The following ERP44 variants were observed in gnomAD, a reference collection of about 807,000 sequenced individuals.
ERP44 encodes the protein endoplasmic reticulum resident protein 44.
Under a neutral mutation model 53.4 loss-of-function variants are expected in ERP44, and 25 were observed. That is an observed-to-expected ratio of 0.47 (90% confidence interval 0.34 to 0.65). The LOEUF (loss-of-function observed/expected upper bound fraction) is 0.65. ERP44 is among the 30% of genes least tolerant of loss of function. ERP44 has a pLI of 0.01. For missense variants in ERP44, 338 were observed against 493.2 expected, an observed-to-expected ratio of 0.69 and a Z score of 2.98; for synonymous variants, 145 against 161.2, an observed-to-expected ratio of 0.90 and a Z score of 0.76.
At chr9:99,999,425 CT>C (rs1348694679) in intron 10 of ERP44, among the ~76,000 whole-genome samples, 1 of 152,136 alleles carries the variant, frequency 6.6e-6, no homozygotes, top group Admixed American at 6.5e-5. Context: ...ATTCTAATAT[CT>C]TTGATGATTA....
intron 1 of ERP44, among the ~76,000 whole-genome samples, chr9:100,081,445 G>A (rs927398258): frequency 2.6e-5 from 4 of 151,910 alleles, no homozygotes; most frequent in African/African-American, 7.3e-5. Flanking sequence ...CAGAAATTAT[G>A]GGAGATACAA....
intron 3 of ERP44, among the ~76,000 whole-genome samples, chr9:100,057,567 G>A (rs1288635599): frequency 1.3e-5 from 2 of 152,126 alleles, no homozygotes; most frequent in Admixed American, 1.3e-4. Context: ...TTGAGTCGGG[G>A]GTGGAGAGAG....
intron 3 of ERP44, among the ~76,000 whole-genome samples, chr9:100,055,401 C>G (rs1826078846): frequency 6.6e-6 from 1 of 152,156 alleles, no homozygotes; most frequent in African/African-American, 2.4e-5. Context: ...GAGACGGAGT[C>G]TCGCTCTGTC....
chr9:100,041,717 T>A (rs72731378), intron 4 of ERP44, among the ~76,000 whole-genome samples: 40,316 of 151,846 alleles, frequency 0.27, 5,630 homozygotes, highest in South Asian at 0.37. Context: ...CAGACAGATA[T>A]ATCAGTGCAA....
chr9:100,058,636 C>T lies in ERP44; in HGVS notation c.131-777G>A, dbSNP rs138922314. On this transcript the variant is annotated intron_variant, in intron 2 of 11. Transcript: ENST00000262455. ...CTACAACTAATAGTGTTGCACAAGACGCCAGTTTTTTAATTCCTATCCATT... is the reference window on the plus strand; with the variant it reads ...CTACAACTAATAGTGTTGCACAAGATGCCAGTTTTTTAATTCCTATCCATT... 2.6e-4 allele frequency among the ~76,000 whole-genome samples: 40 copies of T among 152,246 alleles called. No individual in the cohort carries two copies. The East Asian group carries it at 6.8e-3, about 26-fold the overall frequency.
intron 4 of ERP44, among the ~76,000 whole-genome samples, chr9:100,024,554 C>T (rs1830631784): frequency 6.6e-6 from 1 of 150,680 alleles, no homozygotes; most frequent in Admixed American, 6.6e-5. Flanking sequence ...GATGAATTCC[C>T]TGACTATACT....
intron 10 of ERP44, among the ~76,000 whole-genome samples, chr9:99,999,870 G>C (rs1023534038): frequency 6.6e-6 from 1 of 152,028 alleles, no homozygotes; most frequent in African/African-American, 2.4e-5. Flanking sequence ...CGAGATGAGG[G>C]TCTAATTTCA....
chr9:100,080,324 C>T (rs1288951912), intron 1 of ERP44, among the ~76,000 whole-genome samples: 2 of 152,016 alleles, frequency 1.3e-5, no homozygotes, highest in African/African-American at 4.8e-5. Context: ...TGAACATCTG[C>T]TCACCTTTAG....
intron 1 of ERP44, among the ~76,000 whole-genome samples, chr9:100,070,877 G>C (rs1032780472): frequency 1.3e-5 from 2 of 152,088 alleles, no homozygotes; most frequent in Non-Finnish European, 2.9e-5. Flanking sequence ...TCTGAGACAA[G>C]GAGTTAAGCA....
At chr9:99,985,630 C>T (rs1014913353) in intron 10 of ERP44, among the ~76,000 whole-genome samples, 6 of 152,146 alleles carry the variant, frequency 3.9e-5, no homozygotes, top group African/African-American at 1.4e-4. Flanking sequence ...TTTTGAGGTT[C>T]GGGTCCTTAA....
chr9:100,021,985 A>C (rs1184921622), intron 5 of ERP44, 57 bp downstream of exon 5: 30 of 1,489,590 alleles, frequency 2.0e-5, no homozygotes, highest in Non-Finnish European at 1.8e-5. Context: ...TTTGCATTAG[A>C]ATTTGTTTAC....
chr9:100,028,829 A>C (rs1017064900), intron 4 of ERP44, among the ~76,000 whole-genome samples: 2 of 152,230 alleles, frequency 1.3e-5, no homozygotes, highest in Non-Finnish European at 2.9e-5. Context: ...AAACAAAAAC[A>C]AAAAACTCGA....
chr9:100,092,901 C>T (rs1197672043), intron 1 of ERP44, among the ~76,000 whole-genome samples: 1 of 152,190 alleles, frequency 6.6e-6, no homozygotes, highest in Non-Finnish European at 1.5e-5. Context: ...TAGGAATACA[C>T]ATTGGTACAA....
chr9:100,022,964 C>T (rs1830610323), intron 4 of ERP44, among the ~76,000 whole-genome samples: 1 of 152,102 alleles, frequency 6.6e-6, no homozygotes, highest in Admixed American at 6.5e-5. Flanking sequence ...ATTCTTTAAA[C>T]AGAAGACAAA....
At chr9:99,995,098 C>A (rs968238214) in intron 10 of ERP44, among the ~76,000 whole-genome samples, 4 of 151,250 alleles carry the variant, frequency 2.6e-5, no homozygotes, top group African/African-American at 9.7e-5. Flanking sequence ...TTTTCCCCCT[C>A]CTTTTGGAGC....
chr9:100,021,023 G>C (rs892931780), intron 5 of ERP44, among the ~76,000 whole-genome samples: 4 of 152,074 alleles, frequency 2.6e-5, no homozygotes, highest in Non-Finnish European at 5.9e-5. Context: ...TAAGTAAGGG[G>C]ACTAATTCTA....
At chr9:100,093,435 G>A (rs1025009824) in intron 1 of ERP44, among the ~76,000 whole-genome samples, 1 of 152,210 alleles carries the variant, frequency 6.6e-6, no homozygotes. Context: ...CTTGAGCCCA[G>A]GAGTTCGAGA....
At chr9:100,040,008 T>G (rs990449101) in intron 4 of ERP44, among the ~76,000 whole-genome samples, 1 of 151,576 alleles carries the variant, frequency 6.6e-6, no homozygotes, top group Non-Finnish European at 1.5e-5. Flanking sequence ...TAACAAATAA[T>G]GAGATCGAAG....
intron 3 of ERP44, among the ~76,000 whole-genome samples, chr9:100,052,934 T>C (rs914310385): frequency 6.6e-6 from 1 of 152,168 alleles, no homozygotes; most frequent in Non-Finnish European, 1.5e-5. Context: ...TTAATTTTTT[T>C]TGAGACAGGG....
Sources: allele counts gnomAD v4.1 joint callset (sites outside exome capture counted in the v4.1 genomes callset), GRCh38; gene constraint gnomAD v4.1.1; transcripts MANE v1.5; gene names NCBI Gene and HGNC (gene_info 2026-07-23, HGNC 2026-07-21).